The following RAPGEF4 variants were observed in gnomAD, a reference collection of about 807,000 sequenced individuals.
RAPGEF4 encodes RAP guanine-nucleotide-exchange factor (GEF) 4.
In RAPGEF4, 66 loss-of-function variants were observed where a neutral mutation model predicts 147.9. That is an observed-to-expected ratio of 0.45 (90% CI 0.37 to 0.55). The LOEUF (loss-of-function observed/expected upper bound fraction) is 0.55. Among genes scored for constraint, RAPGEF4 ranks in the 20% least tolerant of loss-of-function variants. The pLI is 0.00. For synonymous variants in RAPGEF4, 419 were observed against 442.7 expected (o/e 0.95, Z 0.67); for missense variants, 1,071 against 1,257.3 (o/e 0.85, Z 2.24).
chr2:172,959,393 T>C lies in RAPGEF4; in HGVS notation c.538-1367T>C, dbSNP rs571417797. Among the ~76,000 whole-genome samples the C allele has an allele frequency of 6.0e-4, 91 of 152,334 alleles. 1 individual carries two copies. Among genetic ancestry groups the C allele is most frequent in the African/African-American group, 2.2e-3 (90 of 41,570 alleles). ...ATTTTAAGCCCCCTTGTGATTACCT[T>C]TGGCCCAGCTAGAAACACCAGGATG... On this transcript the variant is annotated intron_variant, in intron 6 of 30. Transcript: ENST00000397081.
At chr2:173,029,662 C>T (rs995634540) in intron 25 of RAPGEF4, among the ~76,000 whole-genome samples, 1 of 152,208 alleles carries the variant, frequency 6.6e-6, no homozygotes, top group Non-Finnish European at 1.5e-5. Context: ...ATAGAGATCA[C>T]ACCTTATAAG....
At chr2:172,901,211 G>T (rs1195994503) in intron 4 of RAPGEF4, among the ~76,000 whole-genome samples, 1 of 152,188 alleles carries the variant, frequency 6.6e-6, no homozygotes, top group Non-Finnish European at 1.5e-5. Flanking sequence ...TTTCACCAAT[G>T]AGTATATTTT....
At chr2:172,985,411 G>A (rs979560229) in intron 11 of RAPGEF4, 22 bp from the exon 12 acceptor site, 9 of 1,613,688 alleles carry the variant, frequency 5.6e-6, no homozygotes, top group Non-Finnish European at 7.6e-6. Context: ...GCCTTTGCAT[G>A]TTTCTTCTGT....
intron 17 of RAPGEF4, among the ~76,000 whole-genome samples, chr2:173,003,095 C>T (rs1045764045): frequency 4.0e-5 from 6 of 151,204 alleles, no homozygotes; most frequent in Admixed American, 1.3e-4. Flanking sequence ...CAAGGCCCGG[C>T]ATCTTTACAA....
At chr2:173,027,928 A>G (rs1363637038) in intron 25 of RAPGEF4, among the ~76,000 whole-genome samples, 3 of 152,224 alleles carry the variant, frequency 2.0e-5, no homozygotes, top group Non-Finnish European at 4.4e-5. Flanking sequence ...CACAGTGCTA[A>G]AAATAAAATG....
At position 172,925,795 on chromosome 2, in the gene RAPGEF4, G is replaced by GAA. The variant is rs1168822531; in HGVS notation, c.537+3496_537+3497insAA. 5.7e-5 allele frequency among the ~76,000 whole-genome samples: 6 copies of GAA among 105,330 alleles called. No individual in the cohort carries two copies. The South Asian group carries it at 1.0e-3, about 18-fold the overall frequency. The allele number at this position is 105,330 out of a possible 152,430, so 69.1% of individuals were successfully genotyped here. A position where few individuals can be genotyped will look rare whatever the true frequency, so the allele number is the denominator to read the frequency against. On this transcript the variant is annotated intron_variant, in intron 6 of 30. Coordinates refer to ENST00000397081, the MANE Select transcript of RAPGEF4 (RefSeq NM_007023.4). Reference sequence around the variant, plus strand: ...AGAAAGAAAGAGAGAGAGAGAGAGAGAGAAAGAAAGAAAGAGAGAGAGAAA... The same window carrying GAA: ...AGAAAGAAAGAGAGAGAGAGAGAGAGAAAGAAAGAAAGAAAGAGAGAGAGAAA...
chr2:173,030,153 C>CT lies in RAPGEF4; in HGVS notation c.2559-10dup, dbSNP rs1559198236. The CT allele has an allele frequency of 3.8e-6, 6 of 1,580,480 alleles. No individual in the cohort carries two copies. On this transcript the variant is annotated splice_polypyrimidine_tract_variant and intron_variant, in intron 25 of 30. Transcript: ENST00000397081. ...AACATTTTACTCAAACACGCATCTC[C>CT]TGTGTTTCAGCTGTAAGGAGTATAA...
intron 6 of RAPGEF4, among the ~76,000 whole-genome samples, chr2:172,932,608 T>C (rs1368715045): frequency 6.6e-6 from 1 of 152,254 alleles, no homozygotes; most frequent in East Asian, 1.9e-4. Context: ...AACATATTGT[T>C]TTCCAGGCCA....
chr2:172,883,721 C>T (rs951438348), intron 4 of RAPGEF4, among the ~76,000 whole-genome samples: 1 of 152,044 alleles, frequency 6.6e-6, no homozygotes, highest in Non-Finnish European at 1.5e-5. Context: ...GTTGGAAGCC[C>T]GCTTCAGTTG....
At chr2:172,910,331 A>G (rs1699976953) in intron 4 of RAPGEF4, among the ~76,000 whole-genome samples, 1 of 152,228 alleles carries the variant, frequency 6.6e-6, no homozygotes, top group Non-Finnish European at 1.5e-5. Context: ...TTTGAGGGCT[A>G]TAAACTCTAC....
At chr2:172,837,520 C>G (rs1259487018) in intron 4 of RAPGEF4, among the ~76,000 whole-genome samples, 1 of 152,136 alleles carries the variant, frequency 6.6e-6, no homozygotes, top group Non-Finnish European at 1.5e-5. Context: ...AACCAATAAA[C>G]AAGTAAATAA....
At chr2:172,966,174 A>G (rs1043554579) in intron 9 of RAPGEF4, among the ~76,000 whole-genome samples, 2 of 152,240 alleles carry the variant, frequency 1.3e-5, no homozygotes, top group African/African-American at 2.4e-5. Context: ...GTGCTCTGCA[A>G]TTGTGGCTCT....
intron 23 of RAPGEF4, among the ~76,000 whole-genome samples, chr2:173,025,313 C>G (rs1386126621): frequency 2.0e-5 from 3 of 152,056 alleles, no homozygotes; most frequent in Non-Finnish European, 2.9e-5. Context: ...TCTCTAGTGC[C>G]CAGAATGCAG....
intron 1 of RAPGEF4, among the ~76,000 whole-genome samples, chr2:172,773,629 T>TCCCTGCCCCACACTGCCC (rs1683855053): frequency 9.4e-6 from 1 of 106,780 alleles, no homozygotes; most frequent in Non-Finnish European, 1.9e-5. Flanking sequence ...CCACACTGCC[T>TCCCTGCCCCACACTGCCC]CCCTGCCCCA....
chr2:172,945,652 C>T (rs1687609539), intron 6 of RAPGEF4, among the ~76,000 whole-genome samples: 1 of 152,058 alleles, frequency 6.6e-6, no homozygotes, highest in Non-Finnish European at 1.5e-5. Context: ...AATTATTTTA[C>T]CTTTCCCAAC....
Position 172,865,442 on chromosome 2 carries a change from G to C in RAPGEF4, c.444+51017G>C, listed in dbSNP as rs374520368. 5.9e-5 allele frequency among the ~76,000 whole-genome samples: 9 copies of C among 152,292 alleles called. No individual in the cohort carries two copies. The East Asian group carries it at 1.7e-3, about 29-fold the overall frequency. ...CTCCAGGAAGCCTTGGAAGGCTAAG[G>C]AGGTCTTTACTGAAAGTTTCTTGAG... On this transcript the variant is annotated intron_variant, in intron 4 of 30. Transcript: ENST00000397081.
At chr2:172,794,347 C>CAAAAAAAAA (rs59850502) in intron 1 of RAPGEF4, among the ~76,000 whole-genome samples, 11 of 101,860 alleles carry the variant, frequency 1.1e-4, no homozygotes, top group Non-Finnish European at 1.6e-4. Context: ...AACTCCATCT[C>CAAAAAAAAA]AAAAAAAAAA....
intron 4 of RAPGEF4, among the ~76,000 whole-genome samples, chr2:172,900,588 A>G (rs1698970721): frequency 1.3e-5 from 2 of 152,230 alleles, no homozygotes; most frequent in Admixed American, 6.5e-5. Flanking sequence ...AGTTGCAGGA[A>G]TAACACAAAG....
In RAPGEF4 at chr2:173,051,682, G is replaced by T. The variant is rs201906810; in HGVS notation, c.2951G>T (p.Arg984Leu). 2.5e-6 allele frequency: 4 copies of T among 1,613,918 alleles called. No homozygotes were observed. The highest frequency in any genetic ancestry group is 3.4e-6 in the Non-Finnish European group (4 of 1,179,868). Residue 984 changes from arginine (R) to leucine (L), a missense_variant, in exon 31 of 31, where the codon CGG (arginine) becomes CTG (leucine). By Grantham distance (102) the Arg-to-Leu change is moderately radical. Coordinates refer to ENST00000397081, the MANE Select transcript of RAPGEF4 (RefSeq NM_007023.4). ...GCTAATAAGAACCATCAGGATGTCC[G>T]GAGTTATGTACGGCAATTAAATGTG... Reference protein sequence around the residue: ...AQANKNHQDVRSYVRQLNVID... With the variant: ...AQANKNHQDVLSYVRQLNVID...
Sources: allele counts gnomAD v4.1 joint callset (sites outside exome capture counted in the v4.1 genomes callset), GRCh38; gene constraint gnomAD v4.1.1; transcripts MANE v1.5; gene names NCBI Gene and HGNC (gene_info 2026-07-23, HGNC 2026-07-21).